DNAH11: variants seen among roughly 807,000 people sequenced by gnomAD.
The protein encoded by DNAH11 is axonemal beta dynein heavy chain 11.
A neutral mutation model predicts 526.0 loss-of-function variants in DNAH11; 442 were observed. The ratio of observed to expected loss-of-function variants is 0.84; its 90% confidence interval spans 0.78 to 0.91. The LOEUF (loss-of-function observed/expected upper bound fraction) is 0.91. Ranked by LOEUF, DNAH11 falls within the 40% of genes least tolerant of loss-of-function variation. The pLI, the probability that DNAH11 is intolerant of heterozygous loss-of-function variation, is 0.00. For synonymous variants in DNAH11, 2,461 were observed against 1,935.9 expected (o/e 1.27, Z -7.12); for missense variants, 6,989 against 5,448.7 (o/e 1.28, Z -8.90).
At chr7:21,635,354 T>C (rs920879674) in intron 25 of DNAH11, among the ~76,000 whole-genome samples, 1 of 152,146 alleles carries the variant, frequency 6.6e-6, no homozygotes, top group Non-Finnish European at 1.5e-5. Context: ...GACGGGGTTT[T>C]ACCGTGTTAG....
Position 21,744,437 on chromosome 7 carries a change from G to A in DNAH11, c.8155-1G>A. On this transcript the variant is annotated splice_acceptor_variant, in intron 49 of 81. Coordinates refer to ENST00000409508, the MANE Select transcript of DNAH11 (RefSeq NM_001277115.2). LOFTEE classifies it high-confidence loss of function. ...GTATTTTCCCCATTCTTGCCTTGTAGGGGATTTTATTTGCTTCTCCTGAGT... is the reference window on the plus strand; with the variant it reads ...GTATTTTCCCCATTCTTGCCTTGTAAGGGATTTTATTTGCTTCTCCTGAGT... 1 of 1,613,194 alleles carries A rather than the reference G, an allele frequency of 6.2e-7. No homozygotes were observed.
At chr7:21,768,203 T>G (rs896629789) in intron 55 of DNAH11, among the ~76,000 whole-genome samples, 11 of 151,934 alleles carry the variant, frequency 7.2e-5, no homozygotes, top group Admixed American at 2.6e-4. Flanking sequence ...GGAGGAGGTG[T>G]GTAAGGAGGG....
At chr7:21,572,235 A>G (rs1783921650) in intron 8 of DNAH11, among the ~76,000 whole-genome samples, 1 of 152,196 alleles carries the variant, frequency 6.6e-6, no homozygotes, top group South Asian at 2.1e-4. Context: ...TGTGTATGCT[A>G]AACAGAAACT....
intron 63 of DNAH11, among the ~76,000 whole-genome samples, chr7:21,808,429 A>G (rs1375148195): frequency 6.6e-6 from 1 of 152,148 alleles, no homozygotes; most frequent in African/African-American, 2.4e-5. Context: ...GAAATATACA[A>G]TAAATTATTA....
intron 45 of DNAH11, among the ~76,000 whole-genome samples, chr7:21,728,167 G>A (rs2906669): frequency 2.7e-5 from 4 of 149,464 alleles, no homozygotes; most frequent in East Asian, 2.0e-4. Context: ...ACAATGTGCC[G>A]CCTTGACCCC....
chr7:21,807,882 G>A lies in DNAH11; in HGVS notation c.10166-1G>A. The A allele has an allele frequency of 6.3e-7, 1 of 1,588,006 alleles. No individual in the cohort carries two copies. The highest frequency in any genetic ancestry group is 8.6e-7 in the Non-Finnish European group (1 of 1,159,630). On this transcript the variant is annotated splice_acceptor_variant, in intron 62 of 81. Transcript: ENST00000409508. LOFTEE classifies it high-confidence loss of function. ...GCTGAGTAATTTCATCTTTCAGTCA[G>A]AGAAGATTCGCTGGGGTCAATCCAT...
At chr7:21,674,248 G>C (rs775916624) in intron 30 of DNAH11, among the ~76,000 whole-genome samples, 4 of 151,836 alleles carry the variant, frequency 2.6e-5, no homozygotes, top group Non-Finnish European at 5.9e-5. Flanking sequence ...TACAGACGAG[G>C]CTTCACCATC....
chr7:21,684,026 G>T, intron 32 of DNAH11, 82 bp downstream of exon 32: 2 of 1,406,044 alleles, frequency 1.4e-6, no homozygotes, highest in Non-Finnish European at 9.8e-7. Context: ...GAAGGAATGA[G>T]AGGAAACGAT....
chr7:21,812,369 T>C (rs1268969585), intron 63 of DNAH11, among the ~76,000 whole-genome samples: 9 of 152,020 alleles, frequency 5.9e-5, no homozygotes. Flanking sequence ...TTTTCAGTAA[T>C]GGGATTAAGA....
At chr7:21,651,482 C>T (rs1443653045) in intron 28 of DNAH11, among the ~76,000 whole-genome samples, 1 of 152,158 alleles carries the variant, frequency 6.6e-6, no homozygotes. Flanking sequence ...TCTGCCTCAG[C>T]CTCCGGAGTA....
intron 61 of DNAH11, 33 bp downstream of exon 61, chr7:21,789,375 C>A: frequency 6.7e-7 from 1 of 1,482,634 alleles, no homozygotes; most frequent in Non-Finnish European, 9.2e-7. Flanking sequence ...AAAAGGTTCC[C>A]AAGAGGTGGT....
At chr7:21,686,462 T>C (rs1783378653) in intron 32 of DNAH11, among the ~76,000 whole-genome samples, 1 of 152,226 alleles carries the variant, frequency 6.6e-6, no homozygotes, top group South Asian at 2.1e-4. Context: ...TAGGTATTCT[T>C]GTTTCATGAT....
intron 35 of DNAH11, among the ~76,000 whole-genome samples, chr7:21,693,122 T>C (rs1315062215): frequency 6.6e-6 from 1 of 152,212 alleles, no homozygotes; most frequent in Admixed American, 6.5e-5. Flanking sequence ...TATCAATTTG[T>C]TTTTGTTTTT....
chr7:21,623,995 T>TA (rs892247441), intron 25 of DNAH11, among the ~76,000 whole-genome samples: 6 of 149,436 alleles, frequency 4.0e-5, no homozygotes, highest in Admixed American at 6.6e-5. Context: ...AAATAAAAAA[T>TA]AAAAAAAAAG....
chr7:21,626,797 C>G (rs1410182076), intron 25 of DNAH11, among the ~76,000 whole-genome samples: 4 of 124,624 alleles, frequency 3.2e-5, no homozygotes, highest in Non-Finnish European at 6.2e-5. Context: ...GTCACCCAGG[C>G]TGGAGTACAG....
intron 74 of DNAH11, among the ~76,000 whole-genome samples, 198 bp from the exon 75 acceptor site, chr7:21,880,504 G>T (rs1783876334): frequency 6.6e-6 from 1 of 152,214 alleles, no homozygotes; most frequent in Admixed American, 6.5e-5. Flanking sequence ...CAAAATAAAA[G>T]TATTCCTCTT....
intron 25 of DNAH11, among the ~76,000 whole-genome samples, chr7:21,632,534 CCTAAA>C (rs1396136047): frequency 6.6e-6 from 1 of 152,208 alleles, no homozygotes; most frequent in African/African-American, 2.4e-5. Flanking sequence ...TGCTAGGTAC[CCTAAA>C]TTATCTCTGT....
intron 73 of DNAH11, among the ~76,000 whole-genome samples, chr7:21,869,581 A>T (rs935076222): frequency 2.6e-5 from 4 of 152,126 alleles, no homozygotes; most frequent in African/African-American, 9.7e-5. Flanking sequence ...ACTGCCCAGG[A>T]GCTGTGGAGG....
chr7:21,831,604 C>CT (rs1204207219), intron 65 of DNAH11, among the ~76,000 whole-genome samples: 1 of 152,292 alleles, frequency 6.6e-6, no homozygotes, highest in East Asian at 1.9e-4. Context: ...TCCTCCCCCC[C>CT]TCTATTAACC....
Sources: allele counts gnomAD v4.1 joint callset (sites outside exome capture counted in the v4.1 genomes callset), GRCh38; gene constraint gnomAD v4.1.1; transcripts MANE v1.5; gene names NCBI Gene and HGNC (gene_info 2026-07-23, HGNC 2026-07-21).